DMD: variants seen among roughly 807,000 people sequenced by gnomAD.
DMD encodes the protein mutant dystrophin.
A neutral mutation model predicts 330.1 loss-of-function variants in DMD; 63 were observed. The observed-to-expected ratio is 0.19, with a 90% CI of 0.16 to 0.24. The LOEUF is 0.24. DMD is among the 10% of genes least tolerant of loss of function. The pLI, the probability that DMD is intolerant of heterozygous loss-of-function variation, is 1.00. For missense variants in DMD, 3,344 were observed against 2,684.1 expected (o/e 1.25, Z -5.43); for synonymous variants, 1,223 against 959.8 (o/e 1.27, Z -5.07).
chrX:31,868,049 C>T (rs748487738), intron 48 of DMD, among the ~76,000 whole-genome samples: 2 of 111,478 alleles, frequency 1.8e-5, no homozygotes, highest in South Asian at 3.8e-4. Flanking sequence ...GGAAGTACTA[C>T]GACAGGTACT....
chrX:31,588,049 G>A (rs2076693561), intron 55 of DMD, among the ~76,000 whole-genome samples: 1 of 111,523 alleles, frequency 9.0e-6, no homozygotes, highest in Admixed American at 9.6e-5. Flanking sequence ...GGGTAAAACG[G>A]TCATCTGCAT....
At chrX:32,792,998 C>T (rs191092985) in intron 7 of DMD, among the ~76,000 whole-genome samples, 1 of 112,278 alleles carries the variant, frequency 8.9e-6, no homozygotes, top group African/African-American at 3.2e-5. Flanking sequence ...AACAGTCATA[C>T]ACATTTTTTT....
chrX:32,144,481 C>T (rs1313561856), intron 44 of DMD, among the ~76,000 whole-genome samples: 2 of 111,352 alleles, frequency 1.8e-5, no homozygotes, highest in Non-Finnish European at 3.8e-5. Flanking sequence ...TAAAAGTTGC[C>T]TCTAATTCGT....
intron 44 of DMD, among the ~76,000 whole-genome samples, chrX:31,986,998 T>C (rs2095514100): frequency 8.9e-6 from 1 of 111,936 alleles, no homozygotes; most frequent in African/African-American, 3.3e-5. Flanking sequence ...TTATCTATAT[T>C]TATCTATTTA....
rs368729230 is a variant in DMD at position 32,736,120 on chromosome X, A to C, written c.650-36827T>G. ...AGTGGGCGAAGGACATGAACAGACA[A>C]TTCTCAAAAGAAGACATTTATGCAG... On this transcript the variant is annotated intron_variant, in intron 7 of 78. Coordinates refer to ENST00000357033, the MANE Select transcript of DMD (RefSeq NM_004006.3). Among the ~76,000 whole-genome samples, 793 of 112,171 alleles carry C rather than the reference A, an allele frequency of 7.1e-3. 2 individuals carry two copies. Among genetic ancestry groups the C allele is most frequent in the South Asian group, 0.019 (52 of 2,688 alleles).
intron 44 of DMD, among the ~76,000 whole-genome samples, chrX:32,078,428 C>A (rs1041255015): frequency 8.9e-6 from 1 of 111,746 alleles, no homozygotes; most frequent in Non-Finnish European, 1.9e-5. Flanking sequence ...ATTCCGTTTT[C>A]GATAAGCCAG....
intron 1 of DMD, among the ~76,000 whole-genome samples, chrX:33,284,974 A>C (rs1267428472): frequency 9.1e-6 from 1 of 109,781 alleles, no homozygotes; most frequent in Non-Finnish European, 1.9e-5. Context: ...ACTTCATAGC[A>C]TCCTGCTCTT....
At chrX:31,175,434 A>G (rs755632821) in intron 71 of DMD, among the ~76,000 whole-genome samples, 1 of 111,239 alleles carries the variant, frequency 9.0e-6, no homozygotes, top group South Asian at 3.8e-4. Context: ...TCTTATTAAT[A>G]TCAGTGGCGC....
At chrX:32,319,281 A>C in intron 41 of DMD, among the ~76,000 whole-genome samples, 1 of 110,769 alleles carries the variant, frequency 9.0e-6, no homozygotes, top group Non-Finnish European at 1.9e-5. Context: ...GCTTTGTAAA[A>C]CCATCTCCAA....
intron 51 of DMD, among the ~76,000 whole-genome samples, chrX:31,738,843 A>G (rs1012246646): frequency 8.9e-6 from 1 of 112,337 alleles, no homozygotes; most frequent in African/African-American, 3.2e-5. Flanking sequence ...CAAACATTGC[A>G]TGTTCTCACT....
chrX:32,920,231 A>AT (rs1391438362), intron 2 of DMD, among the ~76,000 whole-genome samples: 1 of 111,586 alleles, frequency 9.0e-6, no homozygotes, highest in Admixed American at 9.6e-5. Flanking sequence ...TATTATGTAC[A>AT]TTTTTTAAAC....
At chrX:32,857,960 T>C (rs7888988) in intron 2 of DMD, among the ~76,000 whole-genome samples, 23,204 of 107,904 alleles carry the variant, frequency 0.22, 2,639 homozygotes, top group African/African-American at 0.43. Flanking sequence ...ATAGGTCAGG[T>C]AGGGGATTCC....
At chrX:32,147,118 T>C (rs1276774983) in intron 44 of DMD, among the ~76,000 whole-genome samples, 1 of 111,749 alleles carries the variant, frequency 8.9e-6, no homozygotes, top group African/African-American at 3.3e-5. Context: ...TAAACATCCA[T>C]ATACCCACCA....
At chrX:32,895,870 TG>T (rs373949922) in intron 2 of DMD, among the ~76,000 whole-genome samples, 1 of 106,443 alleles carries the variant, frequency 9.4e-6, no homozygotes, top group Non-Finnish European at 1.9e-5. Flanking sequence ...TGTGTGTGTG[TG>T]TGTGTAGTGT....
chrX:32,720,407 G>A (rs756068545), intron 7 of DMD, among the ~76,000 whole-genome samples: 66 of 110,825 alleles, frequency 6.0e-4, no homozygotes, highest in African/African-American at 2.0e-3. Flanking sequence ...TTTTACAATC[G>A]TTTTTTTACT....
At chrX:31,695,777 G>A (rs2083422366) in intron 52 of DMD, among the ~76,000 whole-genome samples, 1 of 110,714 alleles carries the variant, frequency 9.0e-6, no homozygotes, top group South Asian at 3.8e-4. Flanking sequence ...GCAGTGGTGG[G>A]TGGATGGAAA....
chrX:31,177,772 C>T (rs762609586), intron 71 of DMD, among the ~76,000 whole-genome samples, 160 bp downstream of exon 71: 1 of 100,518 alleles, frequency 9.9e-6, no homozygotes, highest in Non-Finnish European at 2.0e-5. Flanking sequence ...AAAGTCTCAT[C>T]AAGAAAAGAA....
At chrX:31,959,752 A>C (rs929976733) in intron 45 of DMD, among the ~76,000 whole-genome samples, 9 of 102,920 alleles carry the variant, frequency 8.7e-5, no homozygotes, top group African/African-American at 3.2e-4. Context: ...ACCTACATCT[A>C]ATTCAACAGC....
intron 55 of DMD, among the ~76,000 whole-genome samples, chrX:31,618,347 G>A (rs1483433631): frequency 1.8e-5 from 2 of 111,483 alleles, no homozygotes; most frequent in Non-Finnish European, 3.8e-5. Flanking sequence ...TTTTCAGTAG[G>A]CTGTAGTGAG....
Sources: allele counts gnomAD v4.1 joint callset (sites outside exome capture counted in the v4.1 genomes callset), GRCh38; gene constraint gnomAD v4.1.1; transcripts MANE v1.5; gene names NCBI Gene and HGNC (gene_info 2026-07-23, HGNC 2026-07-21).